Variants in ROBO1 observed in about 807,000 individuals in gnomAD.
ROBO1 encodes the protein roundabout homolog 1.
A neutral mutation model predicts 195.9 loss-of-function variants in ROBO1; 149 were observed. That is an observed-to-expected ratio of 0.76 (90% confidence interval 0.67 to 0.87). The LOEUF (loss-of-function observed/expected upper bound fraction) is 0.87. Ranked by LOEUF, ROBO1 falls within the 40% of genes least tolerant of loss-of-function variation. The pLI is 0.00. For synonymous variants in ROBO1, 816 were observed against 733.2 expected (o/e 1.11, Z -1.82); for missense variants, 1,933 against 2,068.3 (o/e 0.93, Z 1.27).
intron 1 of ROBO1, among the ~76,000 whole-genome samples, chr3:79,600,649 AT>A (rs5850440): frequency 0.58 from 86,640 of 150,628 alleles, 26,640 homozygotes; most frequent in East Asian, 0.71. Flanking sequence ...ACGCCTGCTG[AT>A]TTTTTTTTTC....
intron 2 of ROBO1, among the ~76,000 whole-genome samples, chr3:79,318,697 C>T (rs1206811311): frequency 3.3e-5 from 5 of 152,166 alleles, no homozygotes; most frequent in Non-Finnish European, 4.4e-5. Context: ...CGATGCATTT[C>T]ATTGTTTTAT....
At chr3:79,409,910 T>G (rs781140087) in intron 2 of ROBO1, among the ~76,000 whole-genome samples, 1 of 152,086 alleles carries the variant, frequency 6.6e-6, no homozygotes, top group Non-Finnish European at 1.5e-5. Flanking sequence ...AACTTTCAAT[T>G]TTTTTTCCAA....
intron 4 of ROBO1, among the ~76,000 whole-genome samples, chr3:78,872,365 G>A (rs959501178): frequency 6.6e-6 from 1 of 152,198 alleles, no homozygotes; most frequent in African/African-American, 2.4e-5. Flanking sequence ...GAGTTTGGGG[G>A]AAGGCACAAT....
At chr3:79,325,773 C>T (rs2034183552) in intron 2 of ROBO1, among the ~76,000 whole-genome samples, 1 of 151,984 alleles carries the variant, frequency 6.6e-6, no homozygotes, top group Non-Finnish European at 1.5e-5. Context: ...TGTGTTTGAA[C>T]AATATGAAAT....
intron 1 of ROBO1, among the ~76,000 whole-genome samples, chr3:79,736,743 A>C (rs1004484246): frequency 6.6e-6 from 1 of 152,220 alleles, no homozygotes; most frequent in Non-Finnish European, 1.5e-5. Flanking sequence ...AGACTTGAAT[A>C]CATTCTTGCA....
chr3:79,273,534 C>A (rs934354886), intron 2 of ROBO1, among the ~76,000 whole-genome samples: 1 of 151,582 alleles, frequency 6.6e-6, no homozygotes, highest in Non-Finnish European at 1.5e-5. Context: ...AAATGAAAGG[C>A]AAAAAGTTAA....
chr3:79,506,421 G>A (rs1940398965), intron 2 of ROBO1, among the ~76,000 whole-genome samples: 1 of 151,886 alleles, frequency 6.6e-6, no homozygotes, highest in African/African-American at 2.4e-5. Flanking sequence ...CCAACAGTAA[G>A]TTTCAAAGAA....
intron 2 of ROBO1, among the ~76,000 whole-genome samples, chr3:79,254,775 A>G (rs912530346): frequency 4.7e-4 from 71 of 152,288 alleles, no homozygotes; most frequent in African/African-American, 1.4e-3. Context: ...AGCTTCTCCA[A>G]TTAGGCAGTA....
In ROBO1 at chr3:78,858,061, C is replaced by A. The variant is rs528654373; in HGVS notation, c.499+80540G>T. Among the ~76,000 whole-genome samples, 185 of 152,222 alleles carry A rather than the reference C, an allele frequency of 1.2e-3. 1 individual carries two copies. The highest frequency in any genetic ancestry group is 2.3e-3 in the Non-Finnish European group (158 of 68,006). ...TGAAATATCGGATGCCTCCAGCTCC[C>A]AGCTAACTCACCACCCCACCTTTGT... On this transcript the variant is annotated intron_variant, in intron 4 of 30. Transcript: ENST00000464233.
At chr3:79,488,042 C>G (rs377071761) in intron 2 of ROBO1, among the ~76,000 whole-genome samples, 3 of 151,760 alleles carry the variant, frequency 2.0e-5, no homozygotes, top group African/African-American at 7.3e-5. Flanking sequence ...TTTTATTGAA[C>G]TGAAAGATAT....
intron 2 of ROBO1, among the ~76,000 whole-genome samples, chr3:79,332,031 T>A (rs563323645): frequency 1.3e-5 from 2 of 151,358 alleles, no homozygotes; most frequent in Admixed American, 6.6e-5. Flanking sequence ...TAGTCCCAGG[T>A]GCTGGGAAGG....
At chr3:78,993,121 C>T (rs2077276096) in intron 3 of ROBO1, among the ~76,000 whole-genome samples, 1 of 152,140 alleles carries the variant, frequency 6.6e-6, no homozygotes, top group Admixed American at 6.6e-5. Context: ...CAACTCTGAA[C>T]ACAAGAGGAC....
intron 2 of ROBO1, among the ~76,000 whole-genome samples, chr3:79,572,673 T>C (rs962913862): frequency 6.6e-6 from 1 of 152,154 alleles, no homozygotes; most frequent in Admixed American, 6.5e-5. Context: ...TGAAACCATT[T>C]GTCAAGTTAA....
chr3:79,587,485 T>A (rs1466868973), intron 2 of ROBO1, among the ~76,000 whole-genome samples: 1 of 151,846 alleles, frequency 6.6e-6, no homozygotes, highest in African/African-American at 2.4e-5. Context: ...TCTCCTTATT[T>A]TTTTAGAAGC....
At chr3:79,249,716 T>C (rs2082685229) in intron 2 of ROBO1, among the ~76,000 whole-genome samples, 1 of 152,156 alleles carries the variant, frequency 6.6e-6, no homozygotes, top group Admixed American at 6.6e-5. Flanking sequence ...AAAAGAAATA[T>C]AAGTGTGAGT....
chr3:79,402,365 A>G (rs532203476), intron 2 of ROBO1, among the ~76,000 whole-genome samples: 1 of 152,022 alleles, frequency 6.6e-6, no homozygotes, highest in South Asian at 2.1e-4. Context: ...ACATTTCCCC[A>G]TTGCATACTG....
intron 2 of ROBO1, among the ~76,000 whole-genome samples, chr3:79,447,093 T>C (rs1054090140): frequency 2.0e-5 from 3 of 151,892 alleles, no homozygotes; most frequent in Non-Finnish European, 4.4e-5. Flanking sequence ...CCTCCCAAAG[T>C]GCTGGGATTA....
chr3:78,892,031 A>G (rs561619797), intron 4 of ROBO1, among the ~76,000 whole-genome samples: 2 of 152,320 alleles, frequency 1.3e-5, no homozygotes, highest in Non-Finnish European at 2.9e-5. Flanking sequence ...ATATTCACCA[A>G]TAGTCATTGG....
At chr3:79,564,194 C>T (rs1276124848) in intron 2 of ROBO1, among the ~76,000 whole-genome samples, 1 of 151,930 alleles carries the variant, frequency 6.6e-6, no homozygotes, top group South Asian at 2.1e-4. Context: ...TTTTGTGGAA[C>T]TTCTCATTTG....
Sources: gnomAD v4.1 joint callset for allele counts (sites outside exome capture counted in the v4.1 genomes callset) on GRCh38, gnomAD v4.1.1 for gene constraint, MANE v1.5 for transcripts, NCBI Gene and HGNC (gene_info 2026-07-23, HGNC 2026-07-21) for gene names.